SLC6A14: variants seen among roughly 807,000 people sequenced by gnomAD.
The protein encoded by SLC6A14 is solute carrier family 6 member 14.
A neutral mutation model predicts 51.4 loss-of-function variants in SLC6A14; 21 were observed. That is an observed-to-expected ratio of 0.41 (90% CI 0.29 to 0.59). SLC6A14 has a LOEUF of 0.59. SLC6A14 is among the 20% of genes least tolerant of loss of function. The pLI is 0.31. For missense variants in SLC6A14, 371 were observed against 472.8 expected (o/e 0.78, Z 2.00); for synonymous variants, 177 against 160.7 (o/e 1.10, Z -0.77).
intron 5 of SLC6A14, among the ~76,000 whole-genome samples, chrX:116,444,264 C>T (rs1475946455): frequency 8.9e-6 from 1 of 112,059 alleles, no homozygotes; most frequent in Non-Finnish European, 1.9e-5. Flanking sequence ...GATCTCTCTA[C>T]TTACTCTATA....
intron 13 of SLC6A14, among the ~76,000 whole-genome samples, 170 bp downstream of exon 13, chrX:116,457,946 G>C (rs2032525): frequency 0.28 from 31,338 of 110,499 alleles, 3,230 homozygotes; most frequent in South Asian, 0.47. Flanking sequence ...GCACAACATG[G>C]TATTTTATTA....
In SLC6A14 at chrX:116,461,426, C is replaced by T. The variant is rs1751008668; in HGVS notation, c.*2471C>T. Reference sequence around the variant, plus strand: ...TAAACCATTAATGAAAACTTTTTCACAGTTGAGTGAAATTAAAATCACTAT... The same window carrying T: ...TAAACCATTAATGAAAACTTTTTCATAGTTGAGTGAAATTAAAATCACTAT... On this transcript the variant is annotated 3_prime_UTR_variant, in exon 14 of 14. Transcript: ENST00000598581. 5.1e-6 allele frequency: 1 copy of T among 197,659 alleles called. No homozygotes were observed. Among genetic ancestry groups the T allele is most frequent in the Non-Finnish European group, 9.2e-6 (1 of 108,650 alleles). The allele number at this position is 197,659 out of a possible 1,213,427, so 16.3% of individuals were successfully genotyped here.
At chrX:116,458,168 G>A (rs1927970631) in intron 13 of SLC6A14, among the ~76,000 whole-genome samples, 1 of 111,273 alleles carries the variant, frequency 9.0e-6, no homozygotes, top group African/African-American at 3.3e-5. Context: ...AACCTCATCT[G>A]GCTATAATAT....
At position 116,455,009 on chromosome X, in the gene SLC6A14, C is replaced by T. The variant is rs1164804110; in HGVS notation, c.1437C>T (p.His479=). ...AGIYWVHLID[H]FCAGWGILIA... is the part of the protein sequence containing the mutation. ...TTTACTGGGTTCATCTGATTGACCA[C>T]TTCTGTGCTGGATGGGGCATTTTAA... is the stretch of plus-strand genomic sequence containing the variant. Residue 479 remains histidine (H), a synonymous_variant, in exon 11 of 14, where the codon CAC becomes CAT. Coordinates refer to ENST00000598581, the MANE Select transcript of SLC6A14 (RefSeq NM_007231.5). The T allele has an allele frequency of 2.8e-5, 34 of 1,204,687 alleles. No homozygotes were observed. Among genetic ancestry groups the T allele is most frequent in the Non-Finnish European group, 3.3e-5 (29 of 891,649 alleles).
chrX:116,442,182 A>T (rs1390915312), intron 3 of SLC6A14, among the ~76,000 whole-genome samples: 3 of 112,284 alleles, frequency 2.7e-5, no homozygotes, highest in Non-Finnish European at 3.8e-5. Context: ...CAATCATAAA[A>T]TTAAATTTAA....
intron 1 of SLC6A14, among the ~76,000 whole-genome samples, chrX:116,437,352 C>A (rs1446918764): frequency 4.5e-5 from 5 of 111,093 alleles, no homozygotes; most frequent in Non-Finnish European, 7.5e-5. Flanking sequence ...GCTCAAAGAT[C>A]TGCTACAATA....
chrX:116,454,048 T>C (rs1275089029), intron 9 of SLC6A14, among the ~76,000 whole-genome samples: 1 of 111,163 alleles, frequency 9.0e-6, no homozygotes, highest in Non-Finnish European at 1.9e-5. Flanking sequence ...TTTAGACTAA[T>C]TCAGTTCACA....
intron 6 of SLC6A14, among the ~76,000 whole-genome samples, chrX:116,446,197 A>G (rs1341270603): frequency 9.6e-6 from 1 of 103,738 alleles, no homozygotes; most frequent in Non-Finnish European, 2.0e-5. Context: ...TCTAGTACAG[A>G]AGCAGAGCAC....
intron 3 of SLC6A14, 139 bp downstream of exon 3, chrX:116,441,236 C>T (rs1927591706): frequency 1.6e-6 from 1 of 632,526 alleles, no homozygotes; most frequent in South Asian, 2.9e-5. Flanking sequence ...AGAAAACATG[C>T]ATTATTGTTG....
intron 7 of SLC6A14, among the ~76,000 whole-genome samples, chrX:116,447,594 TTTTTTTTTTTC>T (rs1381524564): frequency 9.4e-6 from 1 of 106,672 alleles, no homozygotes; most frequent in Non-Finnish European, 1.9e-5. Flanking sequence ...TTCACTTCTT[TTTTTTTTTTTC>T]TTTTTTTTTT....
intron 12 of SLC6A14, among the ~76,000 whole-genome samples, chrX:116,456,565 C>T (rs188820053): frequency 9.0e-6 from 1 of 110,989 alleles, no homozygotes; most frequent in Non-Finnish European, 1.9e-5. Flanking sequence ...ATAAGTTTGA[C>T]ACCTGAATTT....
Position 116,459,348 on chromosome X carries a change from T to C in SLC6A14, c.*393T>C, listed in dbSNP as rs1456093557. Reference sequence around the variant, plus strand: ...TAACTTGTATTTTCTTAATATACAATCTATCTTTTCCACAAATATGAGTGG... The same window carrying C: ...TAACTTGTATTTTCTTAATATACAACCTATCTTTTCCACAAATATGAGTGG... On this transcript the variant is annotated 3_prime_UTR_variant, in exon 14 of 14. Transcript: ENST00000598581. 1.8e-5 allele frequency: 2 copies of C among 114,119 alleles called. No individual in the cohort carries two copies. The highest frequency in any genetic ancestry group is 6.5e-5 in the African/African-American group (2 of 30,901). The allele number at this position is 114,119 out of a possible 1,213,427, so 9.4% of individuals were successfully genotyped here.
intron 7 of SLC6A14, among the ~76,000 whole-genome samples, chrX:116,449,940 T>C (rs1291467708): frequency 8.9e-6 from 1 of 112,099 alleles, no homozygotes; most frequent in Non-Finnish European, 1.9e-5. Context: ...CAACATCAGT[T>C]GGAAATTTCA....
At chrX:116,454,247 A>G (rs17308739) in intron 9 of SLC6A14, 77 bp from the exon 10 acceptor site, 7,963 of 592,604 alleles carry the variant, frequency 0.013, 92 homozygotes, top group Non-Finnish European at 0.016. Context: ...AAATTTGATT[A>G]ACATACATTG....
rs1556695036 is a variant in SLC6A14 at position 116,459,833 on chromosome X, A to G, written c.*878A>G. On this transcript the variant is annotated 3_prime_UTR_variant, in exon 14 of 14. Coordinates refer to ENST00000598581, the MANE Select transcript of SLC6A14 (RefSeq NM_007231.5). ...TGAGAAAATGGCTTTAATCAATTCT[A>G]GCATTTTATTACTGTAATACAGGGC... 8.9e-6 allele frequency: 1 copy of G among 112,251 alleles called. No individual in the cohort carries two copies. The highest frequency in any genetic ancestry group is 3.2e-5 in the African/African-American group (1 of 30,857). The allele number at this position is 112,251 out of a possible 1,213,427, so 9.3% of individuals were successfully genotyped here. A position where few individuals can be genotyped will look rare whatever the true frequency, so the allele number is the denominator to read the frequency against.
intron 2 of SLC6A14, among the ~76,000 whole-genome samples, chrX:116,440,412 A>G (rs1010798609): frequency 8.9e-6 from 1 of 112,510 alleles, no homozygotes; most frequent in Admixed American, 9.5e-5. Context: ...TGTGAGCCAC[A>G]TTAGCATTTT....
In SLC6A14 at chrX:116,437,863, A is replaced by G; in HGVS notation, c.122A>G (p.Lys41Arg). ...AATCAGGACCGTGGTAACTGGTCCA[A>G]AAAATCGGATTATCTTCTATCTATG... ...DENQDRGNWS[K>R]KSDYLLSMIG... is the part of the protein sequence containing the mutation. Residue 41 changes from lysine (K) to arginine (R), a missense_variant, in exon 2 of 14, where the codon AAA becomes AGA. Lys to Arg is a conservative substitution (Grantham distance 26, BLOSUM62 2). Coordinates refer to ENST00000598581, the MANE Select transcript of SLC6A14 (RefSeq NM_007231.5). 3.3e-6 allele frequency: 4 copies of G among 1,207,761 alleles called. No homozygotes were observed. Among genetic ancestry groups the G allele is most frequent in the Non-Finnish European group, 4.5e-6 (4 of 892,111 alleles).
At chrX:116,445,460 GA>G (rs1927688453) in intron 6 of SLC6A14, among the ~76,000 whole-genome samples, 10 of 30,429 alleles carry the variant, frequency 3.3e-4, no homozygotes, top group African/African-American at 1.2e-3. Flanking sequence ...CCTAGTCGGA[GA>G]GAGAGAGAGA....
rs186518848 is a variant in SLC6A14 at position 116,452,822 on chromosome X, A to G, written c.1160-195A>G. Among the ~76,000 whole-genome samples the G allele has an allele frequency of 3.2e-3, 358 of 112,014 alleles. 1 individual carries two copies. Among genetic ancestry groups the G allele is most frequent in the African/African-American group, 0.011 (338 of 30,977 alleles). ...TATTTGCTAACTTAATTCATGTCAC[A>G]TGTTCACATTATCACATCACAAAAC... On this transcript the variant is annotated intron_variant, in intron 8 of 13. Coordinates refer to ENST00000598581, the MANE Select transcript of SLC6A14 (RefSeq NM_007231.5).
Sources: allele counts gnomAD v4.1 joint callset (sites outside exome capture counted in the v4.1 genomes callset), GRCh38; gene constraint gnomAD v4.1.1; transcripts MANE v1.5; gene names NCBI Gene and HGNC (gene_info 2026-07-23, HGNC 2026-07-21).